DACT2: variants seen among roughly 807,000 people sequenced by gnomAD.
The protein encoded by DACT2 is dishevelled binding antagonist of beta catenin 2.
In DACT2, 20 loss-of-function variants were observed where a neutral mutation model predicts 22.2. That is an observed-to-expected ratio of 0.90 (90% CI 0.63 to 1.31). The LOEUF (loss-of-function observed/expected upper bound fraction) is 1.31, where lower values mean the gene tolerates loss of function less well. Among genes scored for constraint, DACT2 ranks in the 50% most tolerant of loss-of-function variants. The pLI, the probability that DACT2 is intolerant of heterozygous loss-of-function variation, is 0.00. For missense variants in DACT2, 1,048 were observed against 1,061.4 expected, an observed-to-expected ratio of 0.99 and a Z score of 0.18; for synonymous variants, 463 against 479.8, an observed-to-expected ratio of 0.96 and a Z score of 0.46.
At position 168,307,760 on chromosome 6, in the gene DACT2, T is replaced by A; in HGVS notation, c.1997A>T (p.His666Leu). The change falls in exon 4 of 4, where the codon CAC becomes CTC. Residue 666 changes from histidine to leucine, a missense_variant. Physicochemically the swap from His to Leu is moderately conservative, Grantham distance 99 (BLOSUM62 -3). Coordinates refer to ENST00000366795, the MANE Select transcript of DACT2 (RefSeq NM_214462.5). The surrounding 1 kb of genome is among the most constrained non-coding windows in gnomAD (Gnocchi z 5.3). Reference sequence around the variant, plus strand: ...GAACCGCGGGTCACACTCGGCCGAGTGCTTGGAGGGCTCTGAGTCGCTCCT... The same window carrying A: ...GAACCGCGGGTCACACTCGGCCGAGAGCTTGGAGGGCTCTGAGTCGCTCCT... ...YTRSDSEPSK[H>L]SAECDPRFPS... 4 of 1,547,278 alleles carry A rather than the reference T, an allele frequency of 2.6e-6. No homozygotes were observed. Among genetic ancestry groups the A allele is most frequent in the Non-Finnish European group, 3.5e-6 (4 of 1,146,786 alleles).
intron 1 of DACT2, among the ~76,000 whole-genome samples, chr6:168,314,653 C>G (rs1024621405): frequency 2.0e-5 from 3 of 152,200 alleles, no homozygotes; most frequent in Non-Finnish European, 2.9e-5. Context: ...AGTCAACAGT[C>G]CAGACATCGC....
chr6:168,299,492 A>C (rs1779065780), intron 3 of DACT2: 1 of 152,226 alleles, frequency 6.6e-6, no homozygotes, highest in South Asian at 2.1e-4. Flanking sequence ...ACAGTGAATA[A>C]ATGAATATAA....
At chr6:168,313,531 C>A (rs559008978) in intron 1 of DACT2, among the ~76,000 whole-genome samples, 1 of 152,348 alleles carries the variant, frequency 6.6e-6, no homozygotes, top group Admixed American at 6.5e-5. Flanking sequence ...GCAGCACACA[C>A]AGGCGGGCTC....
intron 3 of DACT2, among the ~76,000 whole-genome samples, chr6:168,296,053 AC>A (rs1366466333): frequency 7.0e-6 from 1 of 143,696 alleles, no homozygotes; most frequent in African/African-American, 2.7e-5. Flanking sequence ...AGATCCATCC[AC>A]AGCGGTGAGG....
intron 3 of DACT2, chr6:168,294,731 G>A (rs761483443): frequency 2.5e-5 from 33 of 1,330,028 alleles, no homozygotes; most frequent in East Asian, 1.4e-4. Flanking sequence ...GCAAATGTGC[G>A]TGAGAGCTAC....
At chr6:168,309,519 G>A (rs879859007) in intron 3 of DACT2, among the ~76,000 whole-genome samples, 4 of 152,392 alleles carry the variant, frequency 2.6e-5, no homozygotes, top group South Asian at 2.1e-4. Flanking sequence ...GATCCTGCCC[G>A]TTGCGGGAGA....
At chr6:168,318,680 A>C (rs1779571958) in intron 1 of DACT2, among the ~76,000 whole-genome samples, 2 of 152,166 alleles carry the variant, frequency 1.3e-5, no homozygotes, top group South Asian at 4.1e-4. Context: ...TAATGAGTGG[A>C]GTTCCTTTCA....
intron 3 of DACT2, among the ~76,000 whole-genome samples, chr6:168,309,851 G>A (rs1366640116): frequency 6.6e-6 from 1 of 152,198 alleles, no homozygotes; most frequent in African/African-American, 2.4e-5. Context: ...CCCCACCAGC[G>A]CTTTCAACCC....
intron 1 of DACT2, among the ~76,000 whole-genome samples, chr6:168,314,863 T>G (rs535439587): frequency 6.6e-6 from 1 of 152,312 alleles, no homozygotes; most frequent in African/African-American, 2.4e-5. Flanking sequence ...AGGAGGTCTG[T>G]CAATCAACAG....
intron 1 of DACT2, among the ~76,000 whole-genome samples, chr6:168,313,334 C>T (rs935764884): frequency 1.3e-5 from 2 of 152,176 alleles, no homozygotes; most frequent in East Asian, 1.9e-4. Flanking sequence ...TGAGCCACCG[C>T]GCCCGGCCTC....
Position 168,308,494 on chromosome 6 carries a change from T to C in DACT2, c.1263A>G (p.Pro421=), listed in dbSNP as rs1173082769. ...LEGPQQSGSL[P]EEGSKPSNSC... is the part of the protein sequence containing the mutation. Reference sequence around the variant, plus strand: ...TGTTTGAGGGCTTGGAGCCCTCCTCTGGAAGGCTGCCAGACTGCTGGGGAC... The same window carrying C: ...TGTTTGAGGGCTTGGAGCCCTCCTCCGGAAGGCTGCCAGACTGCTGGGGAC... The change falls in exon 4 of 4, where the codon CCA becomes CCG. Residue 421 remains proline (P), a synonymous_variant. Transcript: ENST00000366795. The C allele has an allele frequency of 8.4e-6, 13 of 1,551,408 alleles. No homozygotes were observed. The highest frequency in any genetic ancestry group is 1.0e-5 in the Non-Finnish European group (12 of 1,146,930).
At chr6:168,296,707 A>T (rs1479586587) in intron 3 of DACT2, among the ~76,000 whole-genome samples, 4 of 152,256 alleles carry the variant, frequency 2.6e-5, no homozygotes. Flanking sequence ...ACTGCTAATA[A>T]CAATAAGGAA....
rs1191452415 is a variant in DACT2, at chr6:168,307,836, C to G, written c.1921G>C (p.Gly641Arg). 6.5e-7 allele frequency: 1 copy of G among 1,538,100 alleles called. No individual in the cohort carries two copies. The highest frequency in any genetic ancestry group is 8.7e-7 in the Non-Finnish European group (1 of 1,144,960). The change falls in exon 4 of 4, where the codon GGC becomes CGC. Residue 641 changes from glycine (G) to arginine (R), a missense_variant. Gly to Arg is a moderately radical substitution (Grantham distance 125). Transcript: ENST00000366795. This position sits in a 1 kb window ranked among gnomAD's most constrained non-coding sequence, Gnocchi z 5.3. ...GAGGGACGGCCCCGGGCCAGTGGGC[C>G]ACCTGCTCTCCTGGCCACGGGCCTG... ...PPRPVARRAG[G>R]PLARGRPSLV... is the part of the protein sequence containing the mutation.
intron 3 of DACT2, chr6:168,297,956 G>A (rs1779036677): frequency 6.6e-6 from 1 of 152,226 alleles, no homozygotes; most frequent in Non-Finnish European, 1.5e-5. Context: ...TCACACGTCT[G>A]TAGGAGAACT....
At chr6:168,318,173 A>T (rs546172041) in intron 1 of DACT2, among the ~76,000 whole-genome samples, 1 of 152,282 alleles carries the variant, frequency 6.6e-6, no homozygotes, top group African/African-American at 2.4e-5. Context: ...TGGTGCAAAC[A>T]CACAAACGAC....
At chr6:168,297,566 C>T (rs2114893238) in intron 3 of DACT2, among the ~76,000 whole-genome samples, 1 of 152,316 alleles carries the variant, frequency 6.6e-6, no homozygotes, top group Admixed American at 6.5e-5. Context: ...ACACCTGGAA[C>T]TCAGCCCAGG....
Position 168,319,581 on chromosome 6 carries a change from A to G in DACT2, c.53T>C (p.Leu18Ser), listed in dbSNP as rs1003363916. The change falls in exon 1 of 4, where the codon TTG becomes TCG. Residue 18 changes from leucine (L) to serine (S), a missense_variant. By Grantham distance (145) the Leu-to-Ser change is moderately radical (BLOSUM62 -2). Coordinates refer to ENST00000366795, the MANE Select transcript of DACT2 (RefSeq NM_214462.5). The stretch of plus-strand genomic sequence containing the variant: ...GAACGCCGCGCGCAACCTCGCGCCC[A>G]ACCTACGGCGGTCCCAGCCCGCGGA... Reference protein sequence around the residue: ...PGSAGWDRRRLGARLRAAFAG... With the variant: ...PGSAGWDRRRSGARLRAAFAG... 2.9e-6 allele frequency: 4 copies of G among 1,367,914 alleles called. No homozygotes were observed. In the African/African-American group the frequency reaches 6.0e-5, roughly 21 times the overall value. The allele number at this position is 1,367,914 out of a possible 1,614,324, so 84.7% of individuals were successfully genotyped here.
At position 168,308,880 on chromosome 6, in the gene DACT2, T is replaced by C. The variant is rs1420813399; in HGVS notation, c.877A>G (p.Lys293Glu). The change falls in exon 4 of 4, where the codon AAG (lysine) becomes GAG (glutamate). Residue 293 changes from lysine (K) to glutamate (E), a missense_variant. By Grantham distance (56) the Lys-to-Glu change is moderately conservative. Coordinates refer to ENST00000366795, the MANE Select transcript of DACT2 (RefSeq NM_214462.5). Reference protein sequence around the residue: ...ALQSPLFVLTKETPQRGGPSF... With the variant: ...ALQSPLFVLTEETPQRGGPSF... ...GGGCCACCTCTCTGTGGGGTTTCCTTAGTCAGGACAAACAGGGGGCTCTGT... is the reference window on the plus strand; with the variant it reads ...GGGCCACCTCTCTGTGGGGTTTCCTCAGTCAGGACAAACAGGGGGCTCTGT... 6 of 1,550,828 alleles carry C rather than the reference T, an allele frequency of 3.9e-6. No homozygotes were observed. The highest frequency in any genetic ancestry group is 5.2e-6 in the Non-Finnish European group (6 of 1,146,836).
downstream of DACT2, chr6:168,302,119 G>A (rs1265162330): frequency 1.3e-5 from 2 of 152,328 alleles, no homozygotes; most frequent in Non-Finnish European, 2.9e-5. Flanking sequence ...GTCTCCTCAG[G>A]AAGGCCCAGT....
Sources: allele counts gnomAD v4.1 joint callset (sites outside exome capture counted in the v4.1 genomes callset), GRCh38; gene constraint gnomAD v4.1.1; non-coding constraint Gnocchi (gnomAD v3.1); transcripts MANE v1.5; gene names NCBI Gene and HGNC (gene_info 2026-07-23, HGNC 2026-07-21).